The following CPXM2 variants were observed in gnomAD, a reference collection of about 807,000 sequenced individuals.
The protein encoded by CPXM2 is inactive carboxypeptidase-like protein X2.
In CPXM2, 66 loss-of-function variants were observed where a neutral mutation model predicts 86.1. The observed-to-expected ratio is 0.77, with a 90% CI of 0.63 to 0.94. The LOEUF (loss-of-function observed/expected upper bound fraction) is 0.94. Among genes scored for constraint, CPXM2 ranks in the 40% least tolerant of loss-of-function variants. The probability of loss-of-function intolerance (pLI) is 0.00; values close to 1 mark genes in which losing one functional copy is unlikely to be tolerated. For synonymous variants in CPXM2, 388 were observed against 400.2 expected (o/e 0.97, Z 0.36); for missense variants, 948 against 1,026.3 (o/e 0.92, Z 1.04).
intron 13 of CPXM2, chr10:123,750,538 A>C (rs1846050862): frequency 2.0e-6 from 2 of 984,770 alleles, no homozygotes; most frequent in Non-Finnish European, 2.4e-6. Flanking sequence ...AATATCACTT[A>C]ATTTATTTTT....
At chr10:123,836,250 T>C (rs1263810568) in intron 4 of CPXM2, among the ~76,000 whole-genome samples, 1 of 152,044 alleles carries the variant, frequency 6.6e-6, no homozygotes, top group Non-Finnish European at 1.5e-5. Flanking sequence ...AGTCATCAAC[T>C]CCACTGCCCT....
intron 13 of CPXM2, among the ~76,000 whole-genome samples, chr10:123,749,592 T>C (rs1433776037): frequency 6.6e-6 from 1 of 152,138 alleles, no homozygotes; most frequent in East Asian, 1.9e-4. Context: ...GGGGTCCCAG[T>C]TCCTGCCCTC....
chr10:123,804,092 C>G (rs1847526718), intron 4 of CPXM2, among the ~76,000 whole-genome samples: 1 of 152,178 alleles, frequency 6.6e-6, no homozygotes, highest in Non-Finnish European at 1.5e-5. Context: ...TTTCTGGATG[C>G]TCTATTCTGT....
rs552600823 is a variant in CPXM2, at chr10:123,846,392, C to T, written c.514-3904G>A. Among the ~76,000 whole-genome samples, 19 of 152,112 alleles carry T rather than the reference C, an allele frequency of 1.2e-4. No homozygotes were observed. The South Asian group carries it at 1.7e-3, about 13-fold the overall frequency. Reference sequence around the variant, plus strand: ...TATGCACAGTTCACAGTAGGGTTTGCGCTCCTTTGAGCATCTAATACCACT... The same window carrying T: ...TATGCACAGTTCACAGTAGGGTTTGTGCTCCTTTGAGCATCTAATACCACT... On this transcript the variant is annotated intron_variant, in intron 3 of 13. Transcript: ENST00000241305.
Position 123,746,905 on chromosome 10 carries a change from C to T in CPXM2, c.2130G>A (p.Gly710=). 1 of 1,614,120 alleles carries T rather than the reference C, an allele frequency of 6.2e-7. No homozygotes were observed. The highest frequency in any genetic ancestry group is 8.5e-7 in the Non-Finnish European group (1 of 1,180,014). The change falls in exon 14 of 14, where the codon GGG becomes GGA. Residue 710 remains glycine, a synonymous_variant. Coordinates refer to ENST00000241305, the MANE Select transcript of CPXM2 (RefSeq NM_198148.3). ...TKNCMVGYDM[G]ATRCDFTLSK... is the part of the protein sequence containing the mutation. ...TAAGTGTGAAGTCACACCTTGTGGC[C>T]CCCATGTCATAGCCAACCATACAGT...
At chr10:123,936,188 A>G (rs185404070) in intron 2 of CPXM2, among the ~76,000 whole-genome samples, 2 of 75,438 alleles carry the variant, frequency 2.7e-5, no homozygotes, top group Admixed American at 1.5e-4. Context: ...GTAGCCCTGT[A>G]AGATCAGCAC....
chr10:123,754,735 TCA>T lies in CPXM2; in HGVS notation c.1943_1944del (p.Val648GlufsTer19). 6.2e-7 allele frequency: 1 copy of T among 1,609,852 alleles called. No homozygotes were observed. Among genetic ancestry groups the T allele is most frequent in the South Asian group, 1.1e-5 (1 of 90,982 alleles). On this transcript the variant is annotated frameshift_variant, in exon 13 of 14. Coordinates refer to ENST00000241305, the MANE Select transcript of CPXM2 (RefSeq NM_198148.3). LOFTEE classifies it high-confidence loss of function. This position sits in a 1 kb window ranked among gnomAD's most constrained non-coding sequence, Gnocchi z 4.0. ...GGGATTCCTTTTCCATGTGAATCTC[TCA>T]CCAAGCCTTTAATGCCACGATGAAC... is the stretch of plus-strand genomic sequence containing the variant. Reference protein sequence around the residue: ...EQVHRGIKGLVRDSHGKGIPN... With the variant: ...EQVHRGIKGLXRDSHGKGIPN...
chr10:123,797,152 A>G lies in CPXM2; in HGVS notation c.889+824T>C, dbSNP rs990356907. Among the ~76,000 whole-genome samples, 4 of 152,292 alleles carry G rather than the reference A, an allele frequency of 2.6e-5. No homozygotes were observed. In the East Asian group the frequency reaches 5.8e-4, roughly 22 times the overall value. The stretch of plus-strand genomic sequence containing the variant: ...CCCCGAGGTTACCCCCAAATATCTC[A>G]TGTGAAAATAAGGCAAGTGGAATAC... On this transcript the variant is annotated intron_variant, in intron 6 of 13. Coordinates refer to ENST00000241305, the MANE Select transcript of CPXM2 (RefSeq NM_198148.3).
intron 2 of CPXM2, among the ~76,000 whole-genome samples, chr10:123,938,179 G>A (rs546859847): frequency 1.3e-5 from 2 of 152,122 alleles, no homozygotes; most frequent in African/African-American, 2.4e-5. Flanking sequence ...ATCACTAGGA[G>A]GTCTTTTTAA....
chr10:123,932,280 T>A (rs1321656545), intron 2 of CPXM2, among the ~76,000 whole-genome samples: 1 of 152,202 alleles, frequency 6.6e-6, no homozygotes, highest in Non-Finnish European at 1.5e-5. Context: ...TAGAATCCTC[T>A]CAGCCTCACC....
chr10:123,838,726 TCCAACTCTGCCATGGCTTGTCTTGGTGTG>T (rs1848324965), intron 4 of CPXM2, among the ~76,000 whole-genome samples: 1 of 152,074 alleles, frequency 6.6e-6, no homozygotes, highest in Non-Finnish European at 1.5e-5. Context: ...AAACTCTAAT[TCCAACTCTGCCATGGCTTGTCTTGGTGTG>T]AATTCCACTT....
chr10:123,937,846 A>T (rs1048798690), intron 2 of CPXM2, among the ~76,000 whole-genome samples: 1 of 152,186 alleles, frequency 6.6e-6, no homozygotes, highest in African/African-American at 2.4e-5. Context: ...CCCCAACCCA[A>T]GGCAGGAGTG....
rs948532209 is a variant in CPXM2, at chr10:123,754,202, C to A, written c.2017+461G>T. On this transcript the variant is annotated intron_variant, in intron 13 of 13. Coordinates refer to ENST00000241305, the MANE Select transcript of CPXM2 (RefSeq NM_198148.3). The surrounding 1 kb of genome is among the most constrained non-coding windows in gnomAD (Gnocchi z 4.0). ...CCCAACCCACCCCTCCAGCTGTCCTCTTGCTGCTGGTCCCTTCAAACTCTC... is the reference window on the plus strand; with the variant it reads ...CCCAACCCACCCCTCCAGCTGTCCTATTGCTGCTGGTCCCTTCAAACTCTC... Among the ~76,000 whole-genome samples, 1 of 152,216 alleles carries A rather than the reference C, an allele frequency of 6.6e-6. No individual in the cohort carries two copies. Among genetic ancestry groups the A allele is most frequent in the Non-Finnish European group, 1.5e-5 (1 of 68,042 alleles).
chr10:123,879,008 C>T lies in CPXM2; in HGVS notation c.403+1203G>A, dbSNP rs377472728. Among the ~76,000 whole-genome samples, 7 of 152,286 alleles carry T rather than the reference C, an allele frequency of 4.6e-5. 1 individual carries two copies. In the South Asian group the frequency reaches 8.3e-4, roughly 18 times the overall value. Reference sequence around the variant, plus strand: ...GCCACAGTGTGCACTGTGCAGAATGCGCTCTCCCGGTCCAATGAGTCCTCT... The same window carrying T: ...GCCACAGTGTGCACTGTGCAGAATGTGCTCTCCCGGTCCAATGAGTCCTCT... On this transcript the variant is annotated intron_variant, in intron 2 of 13. Transcript: ENST00000241305.
chr10:123,936,410 G>A (rs928210531), intron 2 of CPXM2, among the ~76,000 whole-genome samples: 12 of 152,256 alleles, frequency 7.9e-5, no homozygotes, highest in African/African-American at 7.2e-5. Flanking sequence ...AGCTCTTATC[G>A]GCTATATGTC....
chr10:123,886,973 T>C lies in CPXM2; in HGVS notation c.304+4383A>G, dbSNP rs2134243678. 2.6e-5 allele frequency: 4 copies of C among 152,326 alleles called. No homozygotes were observed. In the South Asian group the frequency reaches 8.3e-4, roughly 32 times the overall value. 9.4% of individuals were successfully genotyped at this position (152,326 alleles called of 1,614,324 possible). ...GTGCAAAATGTGGCCCCTTACCTTA[T>C]TCATAACCCTGGGAGAATGAAAACT... On this transcript the variant is annotated intron_variant, in intron 1 of 13. Coordinates refer to ENST00000241305, the MANE Select transcript of CPXM2 (RefSeq NM_198148.3).
intron 11 of CPXM2, among the ~76,000 whole-genome samples, chr10:123,761,093 T>A (rs11248273): frequency 0.058 from 8,784 of 152,270 alleles, 270 homozygotes; most frequent in South Asian, 0.11. Flanking sequence ...AAAGTGCTTG[T>A]CCTGACATGT....
At position 123,865,285 on chromosome 10, in the gene CPXM2, G is replaced by A. The variant is rs1039913021; in HGVS notation, c.404-2562C>T. On this transcript the variant is annotated intron_variant, in intron 2 of 13. Transcript: ENST00000241305. The surrounding 1 kb of genome is among the most constrained non-coding windows in gnomAD (Gnocchi z 4.7). ...TTTGGAAGCCTTCTCCATTGCCCGT[G>A]CCACTTACAAAGAAGCTAGAGATTC... Among the ~76,000 whole-genome samples the A allele has an allele frequency of 6.6e-6, 1 of 152,184 alleles. No homozygotes were observed. Among genetic ancestry groups the A allele is most frequent in the African/African-American group, 2.4e-5 (1 of 41,440 alleles).
chr10:123,838,691 C>T (rs1428353936), intron 4 of CPXM2, among the ~76,000 whole-genome samples: 1 of 152,184 alleles, frequency 6.6e-6, no homozygotes, highest in Non-Finnish European at 1.5e-5. Context: ...CTAGGGTACG[C>T]TCTGCACGCT....
Sources: allele counts gnomAD v4.1 joint callset (sites outside exome capture counted in the v4.1 genomes callset), GRCh38; gene constraint gnomAD v4.1.1; non-coding constraint Gnocchi (gnomAD v3.1); transcripts MANE v1.5; gene names NCBI Gene and HGNC (gene_info 2026-07-23, HGNC 2026-07-21).